RADX: variants seen among roughly 807,000 people sequenced by gnomAD.
RADX encodes the protein RPA1 related single stranded DNA binding protein, X-linked, also known as RPA-related protein RADX.
Under a neutral mutation model 61.6 loss-of-function variants are expected in RADX, and 36 were observed. That is an observed-to-expected ratio of 0.58 (90% CI 0.45 to 0.77). The LOEUF is 0.77. RADX is among the 30% of genes least tolerant of loss of function. The pLI, the probability that RADX is intolerant of heterozygous loss-of-function variation, is 0.00. For synonymous variants in RADX, 272 were observed against 237.9 expected, an observed-to-expected ratio of 1.14 and a Z score of -1.32; for missense variants, 497 against 651.1, an observed-to-expected ratio of 0.76 and a Z score of 2.58.
Position 106,640,545 on chromosome X carries a change from G to C in RADX, c.1735-7G>C. 1.7e-6 allele frequency: 2 copies of C among 1,152,121 alleles called. No homozygotes were observed. The highest frequency in any genetic ancestry group is 2.3e-6 in the Non-Finnish European group (2 of 862,856). 94.9% of individuals were successfully genotyped at this position (1,152,121 alleles called of 1,213,427 possible). A position where few individuals can be genotyped will look rare whatever the true frequency, so the allele number is the denominator to read the frequency against. On this transcript the variant is annotated splice_region_variant and splice_polypyrimidine_tract_variant and intron_variant, in intron 9 of 13. Transcript: ENST00000372548. ...CTAAAGTGTTTTCTCTAAATTATTG[G>C]TTTTAGAATGCTAACAGACCCTCGA...
In RADX at chrX:106,633,789, C is replaced by T. The variant is rs764316444; in HGVS notation, c.1303+537C>T. Reference sequence around the variant, plus strand: ...TGGCTTACTTTGGCATTGACTTTCTCCCCTGGATTCATTCAGATATAAAAG... The same window carrying T: ...TGGCTTACTTTGGCATTGACTTTCTTCCCTGGATTCATTCAGATATAAAAG... On this transcript the variant is annotated intron_variant, in intron 6 of 13. Transcript: ENST00000372548. 2.2e-4 allele frequency among the ~76,000 whole-genome samples: 25 copies of T among 111,603 alleles called. No homozygotes were observed. The South Asian group carries it at 8.9e-3, about 40-fold the overall frequency.
rs766456103 is a variant in RADX, at chrX:106,640,713, C to T, written c.1896C>T (p.His632=). Residue 632 remains histidine, a synonymous_variant, in exon 10 of 14, where the codon CAC becomes CAT. Transcript: ENST00000372548. Reference sequence around the variant, plus strand: ...AAATAAGAATTCTTCAAGGCCCACACGCTAATCCGTAAGTCATTTGTATTA... The same window carrying T: ...AAATAAGAATTCTTCAAGGCCCACATGCTAATCCGTAAGTCATTTGTATTA... ...SNKIRILQGP[H]ANPVAVPQPG... The T allele has an allele frequency of 6.8e-6, 8 of 1,172,354 alleles. No individual in the cohort carries two copies. The East Asian group carries it at 9.1e-5, about 13-fold the overall frequency.
chrX:106,632,574 T>G (rs748720987), intron 3 of RADX, 51 bp from the exon 4 acceptor site: 2 of 831,719 alleles, frequency 2.4e-6, no homozygotes, highest in Non-Finnish European at 3.4e-6. Flanking sequence ...TTCATGTATA[T>G]TCTTTGGTGT....
chrX:106,668,897 A>G (rs1372608262), intron 12 of RADX, among the ~76,000 whole-genome samples: 2 of 112,444 alleles, frequency 1.8e-5, no homozygotes, highest in East Asian at 5.6e-4. Context: ...TTGGATAGTA[A>G]GATTCCAATC....
At chrX:106,643,960 T>C (rs150219542) in intron 10 of RADX, among the ~76,000 whole-genome samples, 33 of 111,702 alleles carry the variant, frequency 3.0e-4, no homozygotes, top group African/African-American at 1.1e-3. Context: ...CTTTCATCAG[T>C]GTTTTATAGC....
chrX:106,671,189 C>T (rs908299056), intron 13 of RADX, among the ~76,000 whole-genome samples: 9 of 111,737 alleles, frequency 8.1e-5, no homozygotes, highest in African/African-American at 2.3e-4. Context: ...CGAATAAATA[C>T]ACAAAAATGG....
chrX:106,672,376 T>A (rs936198287), intron 13 of RADX, among the ~76,000 whole-genome samples: 14 of 111,819 alleles, frequency 1.3e-4, no homozygotes, highest in African/African-American at 4.2e-4. Flanking sequence ...CATTCCTTTT[T>A]GTGGCTATGG....
At chrX:106,677,860 A>C (rs1245280139) in intron 13 of RADX, among the ~76,000 whole-genome samples, 1 of 110,920 alleles carries the variant, frequency 9.0e-6, no homozygotes. Flanking sequence ...CTCCACCAAG[A>C]ACAAAACAAA....
chrX:106,672,786 A>G (rs1034721178), intron 13 of RADX, among the ~76,000 whole-genome samples: 1 of 111,746 alleles, frequency 8.9e-6, no homozygotes, highest in Non-Finnish European at 1.9e-5. Flanking sequence ...AGAGTCAAAA[A>G]TCTTAGACGT....
intron 6 of RADX, among the ~76,000 whole-genome samples, chrX:106,634,306 T>G (rs1042566303): frequency 9.0e-6 from 1 of 111,029 alleles, no homozygotes; most frequent in African/African-American, 3.3e-5. Flanking sequence ...TGGCTAATTT[T>G]TATATTTTCA....
rs1008384397 is a variant in RADX at position 106,618,160 on chromosome X, T to C, written c.644-4491T>C. Among the ~76,000 whole-genome samples the C allele has an allele frequency of 1.8e-5, 2 of 110,803 alleles. 1 individual carries two copies. Among genetic ancestry groups the C allele is most frequent in the South Asian group, 7.6e-4 (2 of 2,637 alleles). Reference sequence around the variant, plus strand: ...AATACATGAAAGTCATGAAAGCATATAATCAAAATGAATTGATGCACAATA... The same window carrying C: ...AATACATGAAAGTCATGAAAGCATACAATCAAAATGAATTGATGCACAATA... On this transcript the variant is annotated intron_variant, in intron 1 of 13. Transcript: ENST00000372548.
intron 12 of RADX, among the ~76,000 whole-genome samples, chrX:106,666,406 A>G (rs915276504): frequency 2.7e-5 from 3 of 112,127 alleles, no homozygotes; most frequent in Non-Finnish European, 5.6e-5. Context: ...GTCAAAAGAT[A>G]TAAACCCCAA....
chrX:106,642,216 G>T (rs771042153), intron 10 of RADX, among the ~76,000 whole-genome samples: 29 of 110,467 alleles, frequency 2.6e-4, no homozygotes, highest in Non-Finnish European at 4.4e-4. Context: ...TGGAGAATGG[G>T]GTATCCATCC....
At chrX:106,624,066 C>T (rs190536135) in intron 2 of RADX, among the ~76,000 whole-genome samples, 1 of 111,518 alleles carries the variant, frequency 9.0e-6, no homozygotes, top group East Asian at 2.8e-4. Flanking sequence ...CTGGAATGTT[C>T]TAACAGTAAC....
rs187008017 is a variant in RADX at position 106,636,481 on chromosome X, C to T, written c.1304-62C>T. Reference sequence around the variant, plus strand: ...AGTTTGAGAAGCATTGTGTTAGATCCTGATCTTGTTATGTCCTATTTGAAA... The same window carrying T: ...AGTTTGAGAAGCATTGTGTTAGATCTTGATCTTGTTATGTCCTATTTGAAA... On this transcript the variant is annotated intron_variant, in intron 6 of 13. Transcript: ENST00000372548. 112 of 647,443 alleles carry T rather than the reference C, an allele frequency of 1.7e-4. No individual in the cohort carries two copies. The African/African-American group carries it at 2.1e-3, about 12-fold the overall frequency. The allele number at this position is 647,443 out of a possible 1,213,427, so 53.4% of individuals were successfully genotyped here.
intron 11 of RADX, among the ~76,000 whole-genome samples, chrX:106,650,068 T>C (rs1394116960): frequency 9.0e-6 from 1 of 111,172 alleles, no homozygotes; most frequent in East Asian, 2.8e-4. Flanking sequence ...ACCACAGGCC[T>C]CCTACTTGTG....
At chrX:106,661,316 T>C (rs1000335469) in intron 11 of RADX, among the ~76,000 whole-genome samples, 1 of 110,593 alleles carries the variant, frequency 9.0e-6, no homozygotes, top group African/African-American at 3.3e-5. Flanking sequence ...AGGAGTGTCA[T>C]ATATAATAAA....
Position 106,648,850 on chromosome X carries a change from C to T in RADX, c.1978+464C>T, listed in dbSNP as rs1270433367. Among the ~76,000 whole-genome samples, 9 of 110,753 alleles carry T rather than the reference C, an allele frequency of 8.1e-5. No individual in the cohort carries two copies. In the Admixed American group the frequency reaches 8.7e-4, roughly 11 times the overall value. ...AGTCAGATCTTATCAGGTATCATCT[C>T]TCTGGATTAGACTTTTTAGCACTTT... On this transcript the variant is annotated intron_variant, in intron 11 of 13. Transcript: ENST00000372548.
chrX:106,662,243 C>A lies in RADX; in HGVS notation c.2207C>A (p.Pro736His), dbSNP rs1928119779. 8.3e-7 allele frequency: 1 copy of A among 1,210,513 alleles called. No individual in the cohort carries two copies. The highest frequency in any genetic ancestry group is 1.1e-6 in the Non-Finnish European group (1 of 894,822). ...PAKYVPPEGR[P>H]PKLDDFKSAR... ...AAATATGTACCACCAGAAGGAAGGC[C>A]CCCAAAACTTGATGATTTTAAGAGC... is the stretch of plus-strand genomic sequence containing the variant. The change falls in exon 12 of 14, where the codon CCC becomes CAC. Residue 736 changes from proline to histidine, a missense_variant. Pro to His is a moderately conservative substitution (Grantham distance 77). This residue lies in a region of RADX where 267 missense variants were observed against 306.9 expected (regional missense o/e 0.87). Transcript: ENST00000372548.
Sources: allele counts gnomAD v4.1 joint callset (sites outside exome capture counted in the v4.1 genomes callset), GRCh38; gene constraint gnomAD v4.1.1; regional missense constraint gnomAD v4.1.1; transcripts MANE v1.5; gene names NCBI Gene and HGNC (gene_info 2026-07-23, HGNC 2026-07-21).